ARIH1: variants seen among roughly 807,000 people sequenced by gnomAD.
The protein encoded by ARIH1 is ariadne RBR E3 ubiquitin protein ligase 1.
ARIH1 carries 8 observed loss-of-function variants against 85.0 expected under a neutral mutation model. The observed-to-expected ratio is 0.09, with a 90% confidence interval of 0.06 to 0.17. The LOEUF (loss-of-function observed/expected upper bound fraction) is 0.17. Among genes scored for constraint, ARIH1 ranks in the 10% least tolerant of loss-of-function variants. ARIH1 has a pLI of 1.00. For missense variants in ARIH1, 311 were observed against 718.1 expected (o/e 0.43, Z 6.48); for synonymous variants, 238 against 253.6 (o/e 0.94, Z 0.59).
intron 2 of ARIH1, among the ~76,000 whole-genome samples, chr15:72,540,945 A>C (rs1374515514): frequency 1.3e-5 from 2 of 152,186 alleles, no homozygotes; most frequent in African/African-American, 4.8e-5. Context: ...AAAAGTGTTG[A>C]TGTGATCGGA....
intron 1 of ARIH1, among the ~76,000 whole-genome samples, chr15:72,499,598 A>G (rs1453253238): frequency 6.6e-6 from 1 of 152,230 alleles, no homozygotes; most frequent in Non-Finnish European, 1.5e-5. Flanking sequence ...ATAAATATCA[A>G]TGACATTCTA....
In ARIH1 at chr15:72,474,843, T is replaced by TGGC. The variant is rs1055642710; in HGVS notation, c.211_213dup (p.Gly71dup). On this transcript the variant is annotated inframe_insertion, in exon 1 of 14. Transcript: ENST00000379887. ...GACTGCTGTGCGGGGAGACGGGCGG[T>TGGC]GGCGGCGGCAGCGCTCTGGGGCCCG... 2.2e-6 allele frequency: 3 copies of TGGC among 1,377,666 alleles called. No individual in the cohort carries two copies. Among genetic ancestry groups the TGGC allele is most frequent in the African/African-American group, 3.0e-5 (2 of 66,192 alleles). 85.3% of individuals were successfully genotyped at this position (1,377,666 alleles called of 1,614,324 possible). A position where few individuals can be genotyped will look rare whatever the true frequency, so the allele number is the denominator to read the frequency against.
At chr15:72,549,046 T>C (rs2064141594) in intron 3 of ARIH1, among the ~76,000 whole-genome samples, 1 of 152,102 alleles carries the variant, frequency 6.6e-6, no homozygotes, top group Non-Finnish European at 1.5e-5. Flanking sequence ...GGCCCACCAC[T>C]GTGCTAGGAA....
At chr15:72,476,790 A>G (rs1037796223) in intron 1 of ARIH1, among the ~76,000 whole-genome samples, 1 of 152,364 alleles carries the variant, frequency 6.6e-6, no homozygotes, top group African/African-American at 2.4e-5. Context: ...TTGGATAGCC[A>G]TTAATATGGT....
rs183682918 is a variant in ARIH1 at position 72,483,727 on chromosome 15, C to T, written c.375+8713C>T. Among the ~76,000 whole-genome samples the T allele has an allele frequency of 1.1e-4, 17 of 151,790 alleles. No individual in the cohort carries two copies. In the East Asian group the frequency reaches 2.9e-3, roughly 26 times the overall value. On this transcript the variant is annotated intron_variant, in intron 1 of 13. Coordinates refer to ENST00000379887, the MANE Select transcript of ARIH1 (RefSeq NM_005744.5). Reference sequence around the variant, plus strand: ...GTAAATGATAAACATTCCTAATAACCTTTCAGTGGCTTAAGTTTAAAATAG... The same window carrying T: ...GTAAATGATAAACATTCCTAATAACTTTTCAGTGGCTTAAGTTTAAAATAG...
intron 1 of ARIH1, among the ~76,000 whole-genome samples, chr15:72,500,273 TTAATAGA>T (rs2063897269): frequency 6.6e-6 from 1 of 152,184 alleles, no homozygotes; most frequent in Non-Finnish European, 1.5e-5. Flanking sequence ...TTTTGTATTT[TTAATAGA>T]GACGGGGTTT....
At chr15:72,567,315 C>G (rs2064225181) in intron 9 of ARIH1, 138 bp downstream of exon 9, 8 of 642,454 alleles carry the variant, frequency 1.2e-5, no homozygotes, top group Non-Finnish European at 1.6e-5. Context: ...TTTTTTTTCC[C>G]AGAATGTTTG....
In ARIH1 at chr15:72,561,561, G is replaced by T; in HGVS notation, c.804+12G>T. The T allele has an allele frequency of 6.8e-7, 1 of 1,474,678 alleles. No homozygotes were observed. The highest frequency in any genetic ancestry group is 9.3e-7 in the Non-Finnish European group (1 of 1,076,302). 91.3% of individuals were successfully genotyped at this position (1,474,678 alleles called of 1,614,324 possible). On this transcript the variant is annotated intron_variant, in intron 6 of 13. Transcript: ENST00000379887. The stretch of plus-strand genomic sequence containing the variant: ...ATAGCTTTGTAGAGGTAAGTGATTT[G>T]TTTTCCTTCTTGTAAGAAGGAATTC...
intron 2 of ARIH1, among the ~76,000 whole-genome samples, chr15:72,537,708 G>A (rs997386195): frequency 3.3e-5 from 5 of 152,154 alleles, no homozygotes; most frequent in African/African-American, 4.8e-5. Context: ...TGTGGCTGGG[G>A]GGAGTTGAAA....
At position 72,601,571 on chromosome 15, in the gene ARIH1, G is replaced by A. The variant is rs1595879751; in HGVS notation, c.*18279G>A. On this transcript the variant is annotated 3_prime_UTR_variant, in exon 14 of 14. Transcript: ENST00000379887. ...CTTCATCCCCTTTCCCTAAGCTAATGCCTTACCCTTTAGGTCTCATTTTAA... is the reference window on the plus strand; with the variant it reads ...CTTCATCCCCTTTCCCTAAGCTAATACCTTACCCTTTAGGTCTCATTTTAA... 6.6e-6 allele frequency: 1 copy of A among 152,158 alleles called. No individual in the cohort carries two copies. The highest frequency in any genetic ancestry group is 2.4e-5 in the African/African-American group (1 of 41,498). 9.4% of individuals were successfully genotyped at this position (152,158 alleles called of 1,614,324 possible). A position where few individuals can be genotyped will look rare whatever the true frequency, so the allele number is the denominator to read the frequency against.
intron 9 of ARIH1, among the ~76,000 whole-genome samples, chr15:72,567,621 A>G (rs1301675666): frequency 6.6e-6 from 1 of 152,240 alleles, no homozygotes; most frequent in Non-Finnish European, 1.5e-5. Flanking sequence ...CAATTTCAAA[A>G]TTCACTTTCT....
intron 1 of ARIH1, among the ~76,000 whole-genome samples, chr15:72,477,338 T>C (rs1373604396): frequency 6.6e-6 from 1 of 152,230 alleles, no homozygotes; most frequent in African/African-American, 2.4e-5. Flanking sequence ...ATAGCAGTTA[T>C]CTAGGTTTTT....
At chr15:72,557,376 C>T (rs1445053396) in intron 5 of ARIH1, among the ~76,000 whole-genome samples, 4 of 151,954 alleles carry the variant, frequency 2.6e-5, no homozygotes, top group African/African-American at 9.7e-5. Context: ...GACAAAGCAG[C>T]CTGCTCATTT....
At chr15:72,563,297 A>C (rs771921374) in intron 6 of ARIH1, 97 bp from the exon 7 acceptor site, 1 of 980,796 alleles carries the variant, frequency 1.0e-6, no homozygotes, top group Non-Finnish European at 1.6e-6. Flanking sequence ...GACCTCAAAC[A>C]GTCCTCCCGC....
chr15:72,571,292 T>C (rs982587545), intron 10 of ARIH1, among the ~76,000 whole-genome samples: 55 of 152,218 alleles, frequency 3.6e-4, no homozygotes, highest in African/African-American at 1.3e-3. Flanking sequence ...CCTCTGTAAA[T>C]TTTATTCTTC....
chr15:72,575,251 A>T (rs1382713697), intron 11 of ARIH1, among the ~76,000 whole-genome samples: 1 of 152,160 alleles, frequency 6.6e-6, no homozygotes, highest in African/African-American at 2.4e-5. Flanking sequence ...GTCGCTGATT[A>T]CATTTCTCAT....
rs2063783629 is a variant in ARIH1 at position 72,474,335 on chromosome 15, C to A, written c.-305C>A. 1.9e-5 allele frequency: 7 copies of A among 370,370 alleles called. No homozygotes were observed. In the South Asian group the frequency reaches 1.9e-4, roughly 10 times the overall value. The allele number at this position is 370,370 out of a possible 1,614,324, so 22.9% of individuals were successfully genotyped here. On this transcript the variant is annotated 5_prime_UTR_variant, in exon 1 of 14. Coordinates refer to ENST00000379887, the MANE Select transcript of ARIH1 (RefSeq NM_005744.5). ...GCACGCCCCTTTGTTGGCTCAGTAG[C>A]GATAGCAGCGGCCGTGGAGGTGGCG...
chr15:72,545,658 C>G (rs1455824501), intron 3 of ARIH1, among the ~76,000 whole-genome samples: 1 of 152,204 alleles, frequency 6.6e-6, no homozygotes, highest in African/African-American at 2.4e-5. Flanking sequence ...GGAAACCTGT[C>G]TCAACTAAAA....
Position 72,474,551 on chromosome 15 carries a change from A to G in ARIH1, c.-89A>G, listed in dbSNP as rs1294039568. On this transcript the variant is annotated 5_prime_UTR_variant, in exon 1 of 14. Coordinates refer to ENST00000379887, the MANE Select transcript of ARIH1 (RefSeq NM_005744.5). ...GGAGCCAGGCCTGCGTCCGGACATCAGCCGGAGCCGGAGCGAGAGCCGGGG... is the reference window on the plus strand; with the variant it reads ...GGAGCCAGGCCTGCGTCCGGACATCGGCCGGAGCCGGAGCGAGAGCCGGGG... 3 of 1,425,856 alleles carry G rather than the reference A, an allele frequency of 2.1e-6. No individual in the cohort carries two copies. Among genetic ancestry groups the G allele is most frequent in the African/African-American group, 1.5e-5 (1 of 66,786 alleles). 88.3% of individuals were successfully genotyped at this position (1,425,856 alleles called of 1,614,324 possible). A position where few individuals can be genotyped will look rare whatever the true frequency, so the allele number is the denominator to read the frequency against.
Sources: allele counts gnomAD v4.1 joint callset (sites outside exome capture counted in the v4.1 genomes callset), GRCh38; gene constraint gnomAD v4.1.1; transcripts MANE v1.5; gene names NCBI Gene and HGNC (gene_info 2026-07-23, HGNC 2026-07-21).